The following TMEM217B variants were observed in gnomAD, a reference collection of about 807,000 sequenced individuals.
The protein encoded by TMEM217B is putative transmembrane protein 217B.
At chr6:37,245,778 C>A in the TMEM217B span, among the ~76,000 whole-genome samples, 1 of 145,408 alleles carries the variant, frequency 6.9e-6, no homozygotes, top group African/African-American at 2.6e-5. Flanking sequence ...CTCTCATTTT[C>A]TTTTCTTTTC....
chr6:37,229,340 T>TTTTTG, the TMEM217B span, among the ~76,000 whole-genome samples: 4 of 123,060 alleles, frequency 3.3e-5, no homozygotes, highest in African/African-American at 9.7e-5. Flanking sequence ...TTTCAGTTTT[T>TTTTTG]TTTTTTTTTT....
the TMEM217B span, among the ~76,000 whole-genome samples, chr6:37,222,940 A>T: frequency 6.6e-6 from 1 of 152,194 alleles, no homozygotes; most frequent in East Asian, 1.9e-4. Flanking sequence ...TTGAAAAAGA[A>T]CCCAAATAGA....
the TMEM217B span, chr6:37,219,141 T>C: frequency 2.8e-6 from 3 of 1,055,334 alleles, no homozygotes; most frequent in Non-Finnish European, 4.1e-6. Flanking sequence ...TGGAGAAATA[T>C]AGACAGAAAT....
At chr6:37,229,907 G>A in the TMEM217B span, among the ~76,000 whole-genome samples, 17 of 152,294 alleles carry the variant, frequency 1.1e-4, no homozygotes, top group African/African-American at 2.9e-4. Flanking sequence ...TCTGCTCCAG[G>A]TTTCACAAGG....
At chr6:37,213,286 C>G in the TMEM217B span, among the ~76,000 whole-genome samples, 1 of 152,196 alleles carries the variant, frequency 6.6e-6, no homozygotes, top group Non-Finnish European at 1.5e-5. Flanking sequence ...AAGAGTGCTC[C>G]TGTTGATGTA....
chr6:37,241,099 CTT>C, the TMEM217B span, among the ~76,000 whole-genome samples: 34 of 132,818 alleles, frequency 2.6e-4, no homozygotes, highest in Admixed American at 3.1e-4. Context: ...AAGTATTACT[CTT>C]TTTTTTTTTT....
At chr6:37,258,026 C>A in the TMEM217B span, 1 of 1,590,372 alleles carries the variant, frequency 6.3e-7, no homozygotes, top group Non-Finnish European at 8.6e-7. Context: ...CCTTCCAGAT[C>A]CTAATCCCTG....
the TMEM217B span, among the ~76,000 whole-genome samples, chr6:37,232,024 C>T: frequency 2.0e-5 from 3 of 152,056 alleles, no homozygotes; most frequent in Admixed American, 2.0e-4. Context: ...TCTGCTTTCT[C>T]CTTACCTGAA....
At chr6:37,212,259 C>T in the TMEM217B span, 2 of 343,804 alleles carry the variant, frequency 5.8e-6, no homozygotes, top group Non-Finnish European at 5.7e-6. Context: ...ATAATTGATC[C>T]GCACAACCTG....
At chr6:37,219,328 C>T in the TMEM217B span, among the ~76,000 whole-genome samples, 1 of 152,186 alleles carries the variant, frequency 6.6e-6, no homozygotes, top group Non-Finnish European at 1.5e-5. Context: ...CAGGCCCCAC[C>T]ACAGACCAAT....
At chr6:37,244,838 G>T in the TMEM217B span, among the ~76,000 whole-genome samples, 214 of 152,322 alleles carry the variant, frequency 1.4e-3, no homozygotes, top group Non-Finnish European at 1.3e-3. Flanking sequence ...ACTGTTGGTT[G>T]GCCAGGCAAT....
chr6:37,242,141 G>T, the TMEM217B span, among the ~76,000 whole-genome samples: 1 of 152,008 alleles, frequency 6.6e-6, no homozygotes, highest in Non-Finnish European at 1.5e-5. Flanking sequence ...ACTGTGAAGG[G>T]CTTGATGTCC....
the TMEM217B span, among the ~76,000 whole-genome samples, chr6:37,215,597 A>AAAAAG: frequency 1.8e-4 from 26 of 146,978 alleles, no homozygotes; most frequent in Non-Finnish European, 2.6e-4. Flanking sequence ...AAAAAAAAAA[A>AAAAAG]AAAAGAAAAG....
the TMEM217B span, among the ~76,000 whole-genome samples, chr6:37,231,832 T>C: frequency 6.6e-6 from 1 of 150,880 alleles, no homozygotes; most frequent in Non-Finnish European, 1.5e-5. Flanking sequence ...GCTACTCTGC[T>C]CTTGGATTTT....
chr6:37,253,144 C>A, the TMEM217B span, among the ~76,000 whole-genome samples: 9 of 152,166 alleles, frequency 5.9e-5, no homozygotes, highest in Non-Finnish European at 8.8e-5. Flanking sequence ...ATTTCATACA[C>A]CTTTTTGATG....
the TMEM217B span, among the ~76,000 whole-genome samples, chr6:37,215,570 C>CAAAAAAAAAAAAAAAAAAA: frequency 3.9e-4 from 28 of 72,368 alleles, no homozygotes; most frequent in African/African-American, 9.0e-4. Context: ...GACTCTGTCT[C>CAAAAAAAAAAAAAAAAAAA]AAAAAAAAAA....
At chr6:37,257,764 G>A in the TMEM217B span, 2 of 768,994 alleles carry the variant, frequency 2.6e-6, no homozygotes, top group Non-Finnish European at 4.2e-6. Flanking sequence ...CTGGGTGGAG[G>A]GGTGCCCACA....
chr6:37,235,695 G>A, the TMEM217B span, among the ~76,000 whole-genome samples: 3 of 152,282 alleles, frequency 2.0e-5, no homozygotes, highest in African/African-American at 2.4e-5. Flanking sequence ...CTGGAGGCTG[G>A]AAAGTCCAAG....
chr6:37,217,080 G>T, the TMEM217B span, among the ~76,000 whole-genome samples: 1 of 152,212 alleles, frequency 6.6e-6, no homozygotes, highest in East Asian at 1.9e-4. Flanking sequence ...GATCACCTAA[G>T]GTCAGGAATT....
Sources: allele counts gnomAD v4.1 joint callset (sites outside exome capture counted in the v4.1 genomes callset), GRCh38; gene constraint gnomAD v4.1.1; transcripts MANE v1.5; gene names NCBI Gene and HGNC (gene_info 2026-07-23, HGNC 2026-07-21).